TMEM178B: variants seen among roughly 807,000 people sequenced by gnomAD.
TMEM178B encodes the protein transmembrane protein 178B.
A neutral mutation model predicts 31.0 loss-of-function variants in TMEM178B; 5 were observed. That is an observed-to-expected ratio of 0.16 (90% confidence interval 0.08 to 0.34). TMEM178B has a LOEUF of 0.34. Ranked by LOEUF, TMEM178B falls within the 10% of genes least tolerant of loss-of-function variation. The pLI is 1.00. For synonymous variants in TMEM178B, 164 were observed against 164.0 expected (o/e 1.00, Z 0.00); for missense variants, 275 against 400.3 (o/e 0.69, Z 2.67).
intron 1 of TMEM178B, among the ~76,000 whole-genome samples, chr7:141,139,340 T>G (rs542108892): frequency 7.2e-5 from 11 of 152,232 alleles, no homozygotes; most frequent in African/African-American, 2.4e-4. Flanking sequence ...CTTCAATATT[T>G]CATTTCCCAT....
intron 1 of TMEM178B, among the ~76,000 whole-genome samples, chr7:141,212,106 G>A (rs1027768002): frequency 1.3e-5 from 2 of 152,190 alleles, no homozygotes; most frequent in Non-Finnish European, 2.9e-5. Context: ...AGTGCTTTGT[G>A]TTCAGAGGTG....
intron 3 of TMEM178B, among the ~76,000 whole-genome samples, chr7:141,450,303 C>T (rs993887898): frequency 6.6e-6 from 1 of 152,204 alleles, no homozygotes; most frequent in Non-Finnish European, 1.5e-5. Context: ...GCTTGTTATT[C>T]ATGAAGTGGG....
At chr7:141,148,979 T>C (rs540657308) in intron 1 of TMEM178B, among the ~76,000 whole-genome samples, 2 of 152,304 alleles carry the variant, frequency 1.3e-5, no homozygotes, top group South Asian at 4.1e-4. Flanking sequence ...AGAGGAGCTC[T>C]ATGTGGCTGT....
intron 2 of TMEM178B, among the ~76,000 whole-genome samples, chr7:141,282,573 AATTC>A (rs1798383992): frequency 1.3e-5 from 2 of 152,256 alleles, no homozygotes; most frequent in Non-Finnish European, 2.9e-5. Context: ...ATAATTGGGA[AATTC>A]ATTAATGATC....
At chr7:141,237,972 C>T (rs925380816) in intron 2 of TMEM178B, among the ~76,000 whole-genome samples, 4 of 149,442 alleles carry the variant, frequency 2.7e-5, no homozygotes, top group South Asian at 4.3e-4. Context: ...TGCAGTGAGC[C>T]GAGAATGCAC....
intron 1 of TMEM178B, among the ~76,000 whole-genome samples, chr7:141,195,365 T>TA (rs1233655639): frequency 2.6e-5 from 4 of 152,158 alleles, no homozygotes; most frequent in Non-Finnish European, 5.9e-5. Flanking sequence ...TACCCTAAGT[T>TA]ATCTTTCTCA....
intron 2 of TMEM178B, among the ~76,000 whole-genome samples, chr7:141,404,984 C>T (rs1800855957): frequency 6.6e-6 from 1 of 152,224 alleles, no homozygotes; most frequent in African/African-American, 2.4e-5. Flanking sequence ...AGTATGTGGG[C>T]ACACGGAGCT....
At position 141,412,900 on chromosome 7, in the gene TMEM178B, A is replaced by C. The variant is rs188906190; in HGVS notation, c.497-24708A>C. Among the ~76,000 whole-genome samples, 141 of 152,372 alleles carry C rather than the reference A, an allele frequency of 9.3e-4. 1 individual carries two copies. The highest frequency in any genetic ancestry group is 6.8e-3 in the Middle Eastern group (2 of 294). ...TGTTCGTACCCAGCAGTCTGACTTC[A>C]GACACTTTTGGGTCTCAAGAGTCTC... On this transcript the variant is annotated intron_variant, in intron 2 of 3. Transcript: ENST00000565468.
rs370486364 is a variant in TMEM178B, at chr7:141,433,663, T to A, written c.497-3945T>A. ...TCAAGAATGCAGCTCACTCTTCTTG[T>A]AGTACACTGGTTTTGAGATTATTTG... On this transcript the variant is annotated intron_variant, in intron 2 of 3. Transcript: ENST00000565468. 2.3e-4 allele frequency among the ~76,000 whole-genome samples: 35 copies of A among 152,250 alleles called. 1 individual carries two copies. Among genetic ancestry groups the A allele is most frequent in the African/African-American group, 8.2e-4 (34 of 41,456 alleles).
chr7:141,437,822 G>A (rs1801576680), intron 3 of TMEM178B, 77 bp downstream of exon 3: 2 of 1,521,044 alleles, frequency 1.3e-6, no homozygotes, highest in Non-Finnish European at 1.8e-6. Context: ...ATGGCCAGAG[G>A]GCACAGCAGA....
chr7:141,237,563 T>C lies in TMEM178B; in HGVS notation c.496+24859T>C, dbSNP rs1269547637. ...TATACACATATACATAGAAAAGGGC[T>C]GCAAGGAAATAAACCAAAATGTTGA... On this transcript the variant is annotated intron_variant, in intron 2 of 3. Coordinates refer to ENST00000565468, the MANE Select transcript of TMEM178B (RefSeq NM_001195278.2). Among the ~76,000 whole-genome samples, 3 of 152,150 alleles carry C rather than the reference T, an allele frequency of 2.0e-5. 1 individual carries two copies. The Middle Eastern group carries it at 9.5e-3, about 481-fold the overall frequency.
intron 1 of TMEM178B, among the ~76,000 whole-genome samples, chr7:141,082,147 G>C (rs561404594): frequency 6.6e-6 from 1 of 152,150 alleles, no homozygotes; most frequent in East Asian, 1.9e-4. Flanking sequence ...TCTGCATGAC[G>C]ACAAAATCGC....
At chr7:141,219,137 T>G (rs923342563) in intron 2 of TMEM178B, among the ~76,000 whole-genome samples, 2 of 152,134 alleles carry the variant, frequency 1.3e-5, no homozygotes, top group Admixed American at 1.3e-4. Flanking sequence ...CAGGAGTCCC[T>G]CCCGTGTTGT....
intron 2 of TMEM178B, among the ~76,000 whole-genome samples, chr7:141,239,701 C>T (rs1290697077): frequency 1.3e-5 from 2 of 152,184 alleles, no homozygotes; most frequent in African/African-American, 4.8e-5. Flanking sequence ...TGTTCCCATC[C>T]TGGGCTCATC....
chr7:141,123,012 C>G (rs773893523), intron 1 of TMEM178B, among the ~76,000 whole-genome samples: 7 of 152,226 alleles, frequency 4.6e-5, no homozygotes, highest in Non-Finnish European at 8.8e-5. Flanking sequence ...CAGTCCAGTT[C>G]TACACTCTGT....
chr7:141,412,817 T>A (rs373477108), intron 2 of TMEM178B, among the ~76,000 whole-genome samples: 1 of 152,186 alleles, frequency 6.6e-6, no homozygotes. Context: ...CTGCTATTAA[T>A]CCCATTTTAC....
intron 2 of TMEM178B, among the ~76,000 whole-genome samples, chr7:141,248,270 G>C (rs556167394): frequency 9.9e-5 from 15 of 152,134 alleles, no homozygotes; most frequent in Non-Finnish European, 4.4e-5. Flanking sequence ...AGTTAGTCAG[G>C]TGTGGTGGCA....
rs1388749919 is a variant in TMEM178B, at chr7:141,344,593, TTCC to T, written c.497-93013_497-93011del. Among the ~76,000 whole-genome samples, 7 of 131,334 alleles carry T rather than the reference TTCC, an allele frequency of 5.3e-5. No individual in the cohort carries two copies. The allele number at this position is 131,334 out of a possible 152,430, so 86.2% of individuals were successfully genotyped here. ...CCTCCTCCCTTCCTTCCTTCCTTCC[TTCC>T]TTCCTTCCTTCCTTCCTTCCTTCCT... On this transcript the variant is annotated intron_variant, in intron 2 of 3. Transcript: ENST00000565468. This position sits in a 1 kb window ranked among gnomAD's most constrained non-coding sequence, Gnocchi z 4.1.
chr7:141,136,090 A>C (rs1376217751), intron 1 of TMEM178B, among the ~76,000 whole-genome samples: 1 of 152,236 alleles, frequency 6.6e-6, no homozygotes, highest in East Asian at 1.9e-4. Context: ...AGCAAAAAGA[A>C]CAAAGCTGGA....
Sources: allele counts gnomAD v4.1 joint callset (sites outside exome capture counted in the v4.1 genomes callset), GRCh38; gene constraint gnomAD v4.1.1; non-coding constraint Gnocchi (gnomAD v3.1); transcripts MANE v1.5; gene names NCBI Gene and HGNC (gene_info 2026-07-23, HGNC 2026-07-21).